Variants in CIT observed in about 807,000 individuals in gnomAD.
CIT encodes the protein citron Rho-interacting kinase.
Under a neutral mutation model 272.7 loss-of-function variants are expected in CIT, and 79 were observed. That is an observed-to-expected ratio of 0.29 (90% confidence interval 0.24 to 0.35). The LOEUF (loss-of-function observed/expected upper bound fraction) is 0.35, where lower values mean the gene tolerates loss of function less well. Ranked by LOEUF, CIT falls within the 10% of genes least tolerant of loss-of-function variation. The pLI is 1.00. For missense variants in CIT, 1,909 were observed against 2,618.3 expected, an observed-to-expected ratio of 0.73 and a Z score of 5.91; for synonymous variants, 948 against 995.6, an observed-to-expected ratio of 0.95 and a Z score of 0.90.
At position 119,712,616 on chromosome 12, in the gene CIT, G is replaced by C. The variant is rs142811369; in HGVS notation, c.4659C>G (p.Ser1553=). 2.5e-6 allele frequency: 4 copies of C among 1,614,034 alleles called. No homozygotes were observed. Among genetic ancestry groups the C allele is most frequent in the African/African-American group, 1.3e-5 (1 of 74,922 alleles). Residue 1553 remains serine, a synonymous_variant, in exon 36 of 48, where the codon TCC becomes TCG. Coordinates refer to ENST00000392521, the MANE Select transcript of CIT (RefSeq NM_001206999.2). The surrounding 1 kb of genome is among the most constrained non-coding windows in gnomAD (Gnocchi z 5.2). ...DVSIHGAVGA[S]ELANTAKADV... ...CTGCTTTGGCTGTATTTGCGAGTTC[G>C]GAAGCACCAACGGCACCATGAATAG...
chr12:119,858,543 A>G (rs59953935), intron 3 of CIT, among the ~76,000 whole-genome samples: 7,268 of 151,604 alleles, frequency 0.048, 327 homozygotes, highest in African/African-American at 0.12. Flanking sequence ...CGTGGGGGCC[A>G]GGAGCAGTGG....
At chr12:119,688,479 G>A (rs1044332857) in intron 47 of CIT, among the ~76,000 whole-genome samples, 4 of 152,268 alleles carry the variant, frequency 2.6e-5, no homozygotes, top group Non-Finnish European at 4.4e-5. Flanking sequence ...CTGTAAGCAT[G>A]TGATACACAC....
intron 28 of CIT, among the ~76,000 whole-genome samples, chr12:119,721,676 C>T (rs963299632): frequency 6.6e-6 from 1 of 152,166 alleles, no homozygotes; most frequent in African/African-American, 2.4e-5. Context: ...GGATCCCTAC[C>T]GTCACAGGAA....
At chr12:119,871,761 G>T (rs939280835) in intron 2 of CIT, among the ~76,000 whole-genome samples, 1 of 152,200 alleles carries the variant, frequency 6.6e-6, no homozygotes, top group African/African-American at 2.4e-5. Flanking sequence ...TGAGACTGAG[G>T]TAGAAGGATC....
intron 22 of CIT, among the ~76,000 whole-genome samples, chr12:119,753,077 GTA>G (rs1169364741): frequency 6.6e-6 from 1 of 152,108 alleles, no homozygotes; most frequent in Non-Finnish European, 1.5e-5. Context: ...ACATCCAAAG[GTA>G]TGGGGGTGAG....
rs539512641 is a variant in CIT at position 119,721,302 on chromosome 12, T to G, written c.3732+7A>C. 6.3e-7 allele frequency: 1 copy of G among 1,596,824 alleles called. No homozygotes were observed. The highest frequency in any genetic ancestry group is 2.3e-5 in the East Asian group (1 of 44,408). ...TTTTTAAGCAGATTCCCTCTGCCAG[T>G]CCTCACCTGAATGTTTTCCAGCTGA... On this transcript the variant is annotated splice_region_variant and intron_variant, in intron 29 of 47. Coordinates refer to ENST00000392521, the MANE Select transcript of CIT (RefSeq NM_001206999.2).
intron 44 of CIT, 197 bp downstream of exon 44, chr12:119,700,548 A>G (rs1022674129): frequency 1.4e-5 from 7 of 505,184 alleles, no homozygotes; most frequent in Non-Finnish European, 2.5e-5. Context: ...ATGCCTGGCT[A>G]ATTTTTGTAT....
rs2043593298 is a variant in CIT at position 119,833,862 on chromosome 12, T to G, written c.659+224A>C. Among the ~76,000 whole-genome samples the G allele has an allele frequency of 2.0e-5, 3 of 152,144 alleles. No homozygotes were observed. The South Asian group carries it at 6.2e-4, about 32-fold the overall frequency. On this transcript the variant is annotated intron_variant, in intron 6 of 47. Transcript: ENST00000392521. ...ACATTAATAGATATTACTAGCAAAC[T>G]TGAGCACATTACAATTCTAGATCTA...
At chr12:119,818,562 A>C (rs184758979) in intron 9 of CIT, among the ~76,000 whole-genome samples, 1 of 152,364 alleles carries the variant, frequency 6.6e-6, no homozygotes, top group East Asian at 1.9e-4. Flanking sequence ...TTTCATCAGC[A>C]TGGGACCACC....
intron 12 of CIT, 37 bp from the exon 13 acceptor site, chr12:119,782,674 G>A: frequency 2.5e-6 from 4 of 1,610,692 alleles, no homozygotes; most frequent in Non-Finnish European, 3.4e-6. Flanking sequence ...GATGCCCTGT[G>A]GATCCTGCTT....
intron 46 of CIT, among the ~76,000 whole-genome samples, chr12:119,696,072 C>T (rs969538231): frequency 1.3e-5 from 2 of 152,092 alleles, no homozygotes; most frequent in Non-Finnish European, 1.5e-5. Flanking sequence ...GATCCCTAAA[C>T]GGAAACACAA....
Position 119,690,197 on chromosome 12 carries a change from C to T in CIT, c.6140G>A (p.Arg2047Gln), listed in dbSNP as rs544215951. 3 of 1,494,026 alleles carry T rather than the reference C, an allele frequency of 2.0e-6. No individual in the cohort carries two copies. In the African/African-American group the frequency reaches 4.3e-5, roughly 21 times the overall value. 92.5% of individuals were successfully genotyped at this position (1,494,026 alleles called of 1,614,324 possible). ...GGTCCTCACGGCTCCCGCAGGCAGC[C>T]GGCCCCTGCTGCTGTCTTCAAACAG... ...GRLFEDSSRGRLPAGAVRTPL... is the reference protein window; with the variant it reads ...GRLFEDSSRGQLPAGAVRTPL... The change falls in exon 47 of 48, where the codon CGG (arginine) becomes CAG (glutamine). Residue 2047 changes from arginine to glutamine, a missense_variant. Transcript: ENST00000392521. The surrounding 1 kb of genome is among the most constrained non-coding windows in gnomAD (Gnocchi z 6.0).
chr12:119,781,950 A>C (rs1964330858), intron 13 of CIT, among the ~76,000 whole-genome samples: 1 of 151,012 alleles, frequency 6.6e-6, no homozygotes, highest in Non-Finnish European at 1.5e-5. Context: ...GCCAGATAGT[A>C]AGTAGTTTCA....
intron 2 of CIT, among the ~76,000 whole-genome samples, chr12:119,873,642 T>C (rs2138429285): frequency 6.6e-6 from 1 of 152,340 alleles, no homozygotes; most frequent in African/African-American, 2.4e-5. Context: ...TCCAGCCATC[T>C]AAGGTTAAAG....
intron 10 of CIT, among the ~76,000 whole-genome samples, chr12:119,793,676 T>A (rs1411108205): frequency 6.6e-6 from 1 of 152,220 alleles, no homozygotes; most frequent in Non-Finnish European, 1.5e-5. Flanking sequence ...TTGCCCTTTT[T>A]TCCTCTCTCT....
In CIT at chr12:119,690,284, A is replaced by C. The variant is rs762957157; in HGVS notation, c.6053T>G (p.Leu2018Arg). The C allele has an allele frequency of 8.8e-6, 14 of 1,584,572 alleles. No individual in the cohort carries two copies. Among genetic ancestry groups the C allele is most frequent in the Non-Finnish European group, 1.2e-5 (14 of 1,173,906 alleles). ...LRRDKSPGRPLEREKSPGRML... is the reference protein window; with the variant it reads ...LRRDKSPGRPREREKSPGRML... ...CCGGCCGGGGGACTTCTCTCGCTCC[A>C]GGGGGCGGCCAGGAGACTTGTCCCT... Residue 2018 changes from leucine to arginine, a missense_variant, in exon 47 of 48, where the codon CTG (leucine) becomes CGG (arginine). By Grantham distance (102) the Leu-to-Arg change is moderately radical. This residue lies in a region of CIT where 780 missense variants were observed against 1,067.2 expected (regional missense o/e 0.73). Coordinates refer to ENST00000392521, the MANE Select transcript of CIT (RefSeq NM_001206999.2). This position sits in a 1 kb window ranked among gnomAD's most constrained non-coding sequence, Gnocchi z 6.0.
At chr12:119,757,578 TCA>T in intron 21 of CIT, 33 bp from the exon 22 acceptor site, 2 of 1,613,562 alleles carry the variant, frequency 1.2e-6, no homozygotes, top group South Asian at 1.1e-5. Flanking sequence ...CCAAACAAAA[TCA>T]CAGTCTCATT....
At chr12:119,788,658 A>AC (rs1205106218) in intron 10 of CIT, among the ~76,000 whole-genome samples, 15 of 151,528 alleles carry the variant, frequency 9.9e-5, no homozygotes, top group South Asian at 8.4e-4. Context: ...TTGCTTTTTC[A>AC]CCCCCCACCA....
At chr12:119,813,602 C>A (rs777382617) in intron 9 of CIT, among the ~76,000 whole-genome samples, 1 of 152,126 alleles carries the variant, frequency 6.6e-6, no homozygotes, top group Non-Finnish European at 1.5e-5. Flanking sequence ...AAGGTTTTCC[C>A]GCAAGTGAGA....
Sources: allele counts gnomAD v4.1 joint callset (sites outside exome capture counted in the v4.1 genomes callset), GRCh38; gene constraint gnomAD v4.1.1; regional missense constraint gnomAD v4.1.1; non-coding constraint Gnocchi (gnomAD v3.1); transcripts MANE v1.5; gene names NCBI Gene and HGNC (gene_info 2026-07-23, HGNC 2026-07-21).